Variants in ANK1 observed in about 807,000 individuals in gnomAD.
The protein encoded by ANK1 is ankyrin 1, also known as ankyrin-1.
ANK1 carries 51 observed loss-of-function variants against 210.4 expected under a neutral mutation model. The ratio of observed to expected loss-of-function variants is 0.24; its 90% CI spans 0.19 to 0.31. The LOEUF (loss-of-function observed/expected upper bound fraction) is 0.31, where lower values mean the gene tolerates loss of function less well. ANK1 is among the 10% of genes least tolerant of loss of function. The probability of loss-of-function intolerance (pLI) is 1.00; values close to 1 mark genes in which losing one functional copy is unlikely to be tolerated. For synonymous variants in ANK1, 967 were observed against 1,025.9 expected (o/e 0.94, Z 1.10); for missense variants, 2,051 against 2,504.4 (o/e 0.82, Z 3.86).
chr8:41,731,637 T>C (rs1832200039), intron 3 of ANK1, among the ~76,000 whole-genome samples: 1 of 152,180 alleles, frequency 6.6e-6, no homozygotes. Context: ...CCCAATCTGT[T>C]GTGACTCTTC....
rs1563357304 is a variant in ANK1, at chr8:41,668,516, A to G, written c.5145T>C (p.Asp1715=). The change falls in exon 39 of 43, where the codon GAT becomes GAC. Residue 1715 remains aspartate (D), a synonymous_variant. Transcript: ENST00000289734. ...ADGSIVSYLQ[D]AAQGSWQEEV... ...CCTCTTGCCAGGAACCTTGTGCAGC[A>G]TCTTGCAGGTATGAGACAATCGAGC... is the stretch of plus-strand genomic sequence containing the variant. 2 of 1,614,206 alleles carry G rather than the reference A, an allele frequency of 1.2e-6. No individual in the cohort carries two copies. The highest frequency in any genetic ancestry group is 1.7e-5 in the Admixed American group (1 of 60,034).
At position 41,883,844 on chromosome 8, in the gene ANK1, A is replaced by T. The variant is rs185839189; in HGVS notation, c.126+12511T>A. Among the ~76,000 whole-genome samples the T allele has an allele frequency of 7.9e-5, 12 of 152,326 alleles. No individual in the cohort carries two copies. The East Asian group carries it at 2.3e-3, about 29-fold the overall frequency. Reference sequence around the variant, plus strand: ...CTCTGTGTCCAAAGCTACACAGGACAGTCAAGAGGACTGGAACTAAGCACA... The same window carrying T: ...CTCTGTGTCCAAAGCTACACAGGACTGTCAAGAGGACTGGAACTAAGCACA... On this transcript the variant is annotated intron_variant, in intron 1 of 42. Coordinates refer to the ANK1 transcript ENST00000265709.
chr8:41,788,722 G>A (rs770727063), intron 1 of ANK1, among the ~76,000 whole-genome samples: 7 of 152,154 alleles, frequency 4.6e-5, no homozygotes, highest in Admixed American at 6.5e-5. Flanking sequence ...TGGTAGAGGG[G>A]CAATATTTTC....
rs964998918 is a variant in ANK1, at chr8:41,662,238, CAGAG to C, written c.5479-301_5479-298del. On this transcript the variant is annotated intron_variant, in intron 40 of 42. Transcript: ENST00000289734. ...CATCACTGCACTCCAGCCTGGTTGA[CAGAG>C]CAACACTCTGTGTCAAAAAAAAAAA... 7.0e-4 allele frequency among the ~76,000 whole-genome samples: 106 copies of C among 150,612 alleles called. 1 individual carries two copies. The highest frequency in any genetic ancestry group is 2.6e-3 in the African/African-American group (104 of 40,740).
intron 1 of ANK1, among the ~76,000 whole-genome samples, chr8:41,815,806 G>C (rs1194262543): frequency 6.6e-6 from 1 of 152,060 alleles, no homozygotes; most frequent in Non-Finnish European, 1.5e-5. Context: ...AGAAATATAT[G>C]CTTCCTCATA....
chr8:41,672,515 C>T lies in ANK1; in HGVS notation c.4935G>A (p.Arg1645=), dbSNP rs1193349435. ...TAGAACCTGGCAGCTTCTCTTCTGA[C>T]CTCTGACCTTCCTCCTGTTCAAGCA... is the stretch of plus-strand genomic sequence containing the variant. ...IDLLEQEEGQ[R]SEEKLPGSKR... The change falls in exon 38 of 43, where the codon AGG becomes AGA. Residue 1645 remains arginine, a synonymous_variant. Coordinates refer to ENST00000289734, the MANE Select transcript of ANK1 (RefSeq NM_000037.4). 2.5e-6 allele frequency: 4 copies of T among 1,614,098 alleles called. No individual in the cohort carries two copies. The highest frequency in any genetic ancestry group is 2.5e-6 in the Non-Finnish European group (3 of 1,180,054).
chr8:41,765,577 T>C (rs1370956761), intron 1 of ANK1, among the ~76,000 whole-genome samples: 3 of 152,108 alleles, frequency 2.0e-5, no homozygotes, highest in Non-Finnish European at 2.9e-5. Flanking sequence ...AAGGGTCCTC[T>C]CCAGTTCAGC....
rs779193413 is a variant in ANK1, at chr8:41,693,891, C to T, written c.3532+7G>A. 6.2e-7 allele frequency: 1 copy of T among 1,601,436 alleles called. No homozygotes were observed. The highest frequency in any genetic ancestry group is 8.5e-7 in the Non-Finnish European group (1 of 1,174,606). Reference sequence around the variant, plus strand: ...GAGAACAGAAGCGAGGCAGGGGCCCCTCTCACCAATGACGCTGCAAAGCAG... The same window carrying T: ...GAGAACAGAAGCGAGGCAGGGGCCCTTCTCACCAATGACGCTGCAAAGCAG... On this transcript the variant is annotated splice_region_variant and intron_variant, in intron 29 of 42. Transcript: ENST00000289734.
At chr8:41,719,947 T>C (rs1828819185) in intron 9 of ANK1, 89 bp from the exon 10 acceptor site, 1 of 1,424,060 alleles carries the variant, frequency 7.0e-7, no homozygotes, top group Non-Finnish European at 9.8e-7. Flanking sequence ...ACTCCCTACT[T>C]CTTCCCTACA....
At chr8:41,772,454 A>G (rs527494145) in intron 1 of ANK1, among the ~76,000 whole-genome samples, 7 of 152,172 alleles carry the variant, frequency 4.6e-5, no homozygotes, top group African/African-American at 1.4e-4. Flanking sequence ...TTTCTTCTCG[A>G]CTAAAGCTTT....
chr8:41,700,517 G>A, intron 22 of ANK1: 3 of 1,517,840 alleles, frequency 2.0e-6, no homozygotes, highest in Non-Finnish European at 2.7e-6. Context: ...AAAGCGAGAG[G>A]CATATATTAT....
At chr8:41,830,129 C>T (rs1396584506) in intron 1 of ANK1, among the ~76,000 whole-genome samples, 1 of 151,312 alleles carries the variant, frequency 6.6e-6, no homozygotes, top group African/African-American at 2.4e-5. Context: ...CCCACTCAGC[C>T]ACTCGGGCAT....
At chr8:41,674,485 G>A (rs1181468630) in intron 37 of ANK1, among the ~76,000 whole-genome samples, 1 of 152,188 alleles carries the variant, frequency 6.6e-6, no homozygotes, top group African/African-American at 2.4e-5. Context: ...GCTGATGCCT[G>A]CCTTCCTCGC....
chr8:41,699,353 G>T, intron 23 of ANK1, 99 bp downstream of exon 23: 5 of 1,129,668 alleles, frequency 4.4e-6, no homozygotes, highest in Non-Finnish European at 6.7e-6. Context: ...CGAGCCCAGC[G>T]CCTGGCCTGC....
intron 1 of ANK1, among the ~76,000 whole-genome samples, chr8:41,809,557 A>G (rs2150782490): frequency 6.6e-6 from 1 of 152,272 alleles, no homozygotes; most frequent in Non-Finnish European, 1.5e-5. Flanking sequence ...ACTTGAGCCC[A>G]GAAGTTCAAG....
At chr8:41,810,908 C>T (rs1393508170) in intron 1 of ANK1, among the ~76,000 whole-genome samples, 2 of 152,242 alleles carry the variant, frequency 1.3e-5, no homozygotes, top group Non-Finnish European at 2.9e-5. Context: ...ACAGAGGTGC[C>T]TAAAATCGTC....
At chr8:41,861,568 C>G (rs2150818475) in intron 1 of ANK1, among the ~76,000 whole-genome samples, 1 of 152,382 alleles carries the variant, frequency 6.6e-6, no homozygotes, top group South Asian at 2.1e-4. Flanking sequence ...AGACCCCACT[C>G]TGCTGCTGAT....
intron 1 of ANK1, among the ~76,000 whole-genome samples, chr8:41,842,033 C>G (rs1404793346): frequency 1.3e-5 from 2 of 152,220 alleles, no homozygotes; most frequent in African/African-American, 2.4e-5. Context: ...AGGGCAGCCT[C>G]TGTGGTAGGA....
At chr8:41,700,502 C>A in intron 22 of ANK1, 2 of 1,589,094 alleles carry the variant, frequency 1.3e-6, no homozygotes, top group Non-Finnish European at 1.7e-6. Flanking sequence ...ACATTGAAGG[C>A]AGTTAAAGCG....
Sources: gnomAD v4.1 joint callset for allele counts (sites outside exome capture counted in the v4.1 genomes callset) on GRCh38, gnomAD v4.1.1 for gene constraint, MANE v1.5 for transcripts, NCBI Gene and HGNC (gene_info 2026-07-23, HGNC 2026-07-21) for gene names.